MACROD2: variants seen among roughly 807,000 people sequenced by gnomAD.
The protein encoded by MACROD2 is ADP-ribose glycohydrolase MACROD2.
In MACROD2, 36 loss-of-function variants were observed where a neutral mutation model predicts 70.4. The observed-to-expected ratio is 0.51, with a 90% CI of 0.39 to 0.68. The LOEUF (loss-of-function observed/expected upper bound fraction) is 0.68, where lower values mean the gene tolerates loss of function less well. MACROD2 is among the 30% of genes least tolerant of loss of function. The pLI is 0.00. For missense variants in MACROD2, 496 were observed against 538.4 expected (o/e 0.92, Z 0.78); for synonymous variants, 172 against 178.8 (o/e 0.96, Z 0.30).
chr20:15,700,940 C>T (rs1442527622), intron 8 of MACROD2, among the ~76,000 whole-genome samples: 1 of 152,160 alleles, frequency 6.6e-6, no homozygotes, highest in African/African-American at 2.4e-5. Context: ...GTTTCTCAAA[C>T]CAGCATTCAC....
intron 5 of MACROD2, among the ~76,000 whole-genome samples, chr20:14,771,644 TACACACACAC>T (rs745602537): frequency 3.7e-4 from 52 of 141,760 alleles, no homozygotes; most frequent in Non-Finnish European, 6.2e-4. Flanking sequence ...TATCCAAAAA[TACACACACAC>T]ACACACACAC....
chr20:14,300,578 T>G (rs969916999), intron 3 of MACROD2, among the ~76,000 whole-genome samples: 1 of 152,210 alleles, frequency 6.6e-6, no homozygotes, highest in African/African-American at 2.4e-5. Flanking sequence ...TGAGTCTTCC[T>G]TGGCCAGTCA....
At chr20:14,860,520 G>A (rs150116631) in intron 5 of MACROD2, among the ~76,000 whole-genome samples, 1 of 152,074 alleles carries the variant, frequency 6.6e-6, no homozygotes, top group Non-Finnish European at 1.5e-5. Context: ...CTCCCTCCCG[G>A]CTGGAACCTG....
At chr20:15,587,553 A>C (rs898417754) in intron 8 of MACROD2, among the ~76,000 whole-genome samples, 2 of 152,236 alleles carry the variant, frequency 1.3e-5, no homozygotes, top group Non-Finnish European at 2.9e-5. Flanking sequence ...CCTTCCGCCT[A>C]TGAGCCTGTA....
At chr20:15,215,252 T>TTGTGTGTGTGTGTG (rs376439581) in intron 5 of MACROD2, among the ~76,000 whole-genome samples, 1 of 135,474 alleles carries the variant, frequency 7.4e-6, no homozygotes, top group African/African-American at 2.8e-5. Flanking sequence ...CTCCTGTATT[T>TTGTGTGTGTGTGTG]TGTGTGTGTG....
chr20:15,035,358 C>G (rs960559564), intron 5 of MACROD2, among the ~76,000 whole-genome samples: 1 of 152,058 alleles, frequency 6.6e-6, no homozygotes, highest in Non-Finnish European at 1.5e-5. Context: ...GAGCCTTGAT[C>G]ACAACACTGC....
At chr20:14,786,620 G>A (rs1254303529) in intron 5 of MACROD2, among the ~76,000 whole-genome samples, 1 of 151,946 alleles carries the variant, frequency 6.6e-6, no homozygotes, top group Non-Finnish European at 1.5e-5. Context: ...AGACTAGGAG[G>A]TCCAAGGTTG....
At chr20:16,007,619 T>A (rs2066806465) in intron 15 of MACROD2, among the ~76,000 whole-genome samples, 1 of 152,210 alleles carries the variant, frequency 6.6e-6, no homozygotes, top group Non-Finnish European at 1.5e-5. Context: ...TATTTAAAAA[T>A]TTTTTCAAAA....
At chr20:14,466,188 G>A (rs2084445682) in intron 3 of MACROD2, among the ~76,000 whole-genome samples, 1 of 151,932 alleles carries the variant, frequency 6.6e-6, no homozygotes, top group Admixed American at 6.6e-5. Flanking sequence ...ACGTAGATTT[G>A]GTCTTTTCAC....
chr20:14,517,366 G>A (rs2085113299), intron 4 of MACROD2, among the ~76,000 whole-genome samples: 1 of 152,158 alleles, frequency 6.6e-6, no homozygotes, highest in African/African-American at 2.4e-5. Flanking sequence ...CCATAAAAAG[G>A]ATGAGTTCAT....
At chr20:15,337,861 G>T (rs1034844292) in intron 6 of MACROD2, among the ~76,000 whole-genome samples, 2 of 151,634 alleles carry the variant, frequency 1.3e-5, no homozygotes, top group Non-Finnish European at 2.9e-5. Context: ...AAGGCCATTA[G>T]GGCTGTTTAA....
At chr20:15,676,503 C>T (rs2050059633) in intron 8 of MACROD2, among the ~76,000 whole-genome samples, 1 of 152,194 alleles carries the variant, frequency 6.6e-6, no homozygotes, top group African/African-American at 2.4e-5. Context: ...TTGCAAATGC[C>T]TGTGGGACTG....
At chr20:14,992,604 A>C (rs187098) in intron 5 of MACROD2, among the ~76,000 whole-genome samples, 11,926 of 151,982 alleles carry the variant, frequency 0.078, 954 homozygotes, top group African/African-American at 0.2. Context: ...TACACAAATT[A>C]TTTTCTCCCA....
chr20:14,465,348 G>A (rs1210169210), intron 3 of MACROD2, among the ~76,000 whole-genome samples: 3 of 152,022 alleles, frequency 2.0e-5, no homozygotes, highest in Non-Finnish European at 1.5e-5. Context: ...TCTGAGACTA[G>A]GATTGCAACC....
chr20:14,269,977 C>T (rs2082177411), intron 3 of MACROD2, among the ~76,000 whole-genome samples: 1 of 151,860 alleles, frequency 6.6e-6, no homozygotes. Context: ...GCTTTTTTAC[C>T]TACTACTCCA....
chr20:15,228,490 T>TTC (rs1555794639), intron 5 of MACROD2, among the ~76,000 whole-genome samples: 2 of 143,284 alleles, frequency 1.4e-5, no homozygotes, highest in Non-Finnish European at 3.1e-5. Flanking sequence ...CTTCTTTCTT[T>TTC]TTTTTTTTTT....
chr20:15,272,690 T>C (rs1043619050), intron 6 of MACROD2, among the ~76,000 whole-genome samples: 1 of 152,166 alleles, frequency 6.6e-6, no homozygotes, highest in Non-Finnish European at 1.5e-5. Flanking sequence ...AGGCATAGAG[T>C]GAAGAAATTA....
chr20:15,712,315 T>A (rs1243961683), intron 8 of MACROD2, among the ~76,000 whole-genome samples: 1 of 152,236 alleles, frequency 6.6e-6, no homozygotes, highest in African/African-American at 2.4e-5. Context: ...CAAAAACAGA[T>A]GGTGAACTGG....
chr20:15,365,084 T>A (rs2045389440), intron 6 of MACROD2, among the ~76,000 whole-genome samples: 1 of 152,190 alleles, frequency 6.6e-6, no homozygotes, highest in South Asian at 2.1e-4. Context: ...TGAGACTTGC[T>A]TTTTAGGTCA....
Sources: gnomAD v4.1 joint callset for allele counts (sites outside exome capture counted in the v4.1 genomes callset) on GRCh38, gnomAD v4.1.1 for gene constraint, MANE v1.5 for transcripts, NCBI Gene and HGNC (gene_info 2026-07-23, HGNC 2026-07-21) for gene names.